SNTB1: variants seen among roughly 807,000 people sequenced by gnomAD.
The protein encoded by SNTB1 is syntrophin beta 1.
SNTB1 carries 36 observed loss-of-function variants against 48.9 expected under a neutral mutation model. The ratio of observed to expected loss-of-function variants is 0.74; its 90% CI spans 0.56 to 0.97. The LOEUF (loss-of-function observed/expected upper bound fraction) is 0.97, where lower values mean the gene tolerates loss of function less well. Among genes scored for constraint, SNTB1 ranks in the 50% least tolerant of loss-of-function variants. SNTB1 has a pLI of 0.00. For synonymous variants in SNTB1, 299 were observed against 294.6 expected, an observed-to-expected ratio of 1.01 and a Z score of -0.15; for missense variants, 786 against 703.4, an observed-to-expected ratio of 1.12 and a Z score of -1.33.
intron 3 of SNTB1, among the ~76,000 whole-genome samples, chr8:120,617,152 T>C (rs1275335331): frequency 6.6e-6 from 1 of 152,234 alleles, no homozygotes; most frequent in African/African-American, 2.4e-5. Context: ...GTATTTTGTG[T>C]GTGGGCCAAG....
intron 1 of SNTB1, among the ~76,000 whole-genome samples, chr8:120,778,757 G>A (rs1819781409): frequency 6.6e-6 from 1 of 152,114 alleles, no homozygotes; most frequent in South Asian, 2.1e-4. Flanking sequence ...TATATTAACT[G>A]CTACAACTGT....
At chr8:120,620,436 G>T (rs754623418) in intron 3 of SNTB1, among the ~76,000 whole-genome samples, 4 of 152,152 alleles carry the variant, frequency 2.6e-5, no homozygotes, top group Admixed American at 6.5e-5. Flanking sequence ...TTAAAATCCA[G>T]GTAGGTCTCC....
intron 1 of SNTB1, among the ~76,000 whole-genome samples, chr8:120,748,891 A>G (rs978580615): frequency 6.6e-6 from 1 of 152,188 alleles, no homozygotes; most frequent in Non-Finnish European, 1.5e-5. Flanking sequence ...AGTCATTTGC[A>G]CTTGTCTGAG....
intron 1 of SNTB1, among the ~76,000 whole-genome samples, chr8:120,704,748 C>A (rs2129900322): frequency 6.6e-6 from 1 of 152,150 alleles, no homozygotes; most frequent in Non-Finnish European, 1.5e-5. Flanking sequence ...AGGAGGGACA[C>A]CTAATGCTTA....
intron 2 of SNTB1, among the ~76,000 whole-genome samples, chr8:120,646,674 C>T (rs938280954): frequency 2.0e-5 from 3 of 151,828 alleles, no homozygotes; most frequent in Admixed American, 2.0e-4. Context: ...ATGATGCTGG[C>T]CTCATAAAAT....
At chr8:120,798,328 G>C (rs1168357201) in intron 1 of SNTB1, among the ~76,000 whole-genome samples, 1 of 152,004 alleles carries the variant, frequency 6.6e-6, no homozygotes, top group Non-Finnish European at 1.5e-5. Context: ...CAGAGCTGTA[G>C]GCTGTACACC....
chr8:120,577,110 G>T (rs1361334222), intron 3 of SNTB1, among the ~76,000 whole-genome samples: 1 of 152,116 alleles, frequency 6.6e-6, no homozygotes, highest in Non-Finnish European at 1.5e-5. Flanking sequence ...AAATAAGCTT[G>T]GTGCTAACAA....
At chr8:120,620,720 T>C (rs1816780511) in intron 3 of SNTB1, among the ~76,000 whole-genome samples, 1 of 149,316 alleles carries the variant, frequency 6.7e-6, no homozygotes, top group Non-Finnish European at 1.5e-5. Context: ...CTTCAGGTTA[T>C]CTTATGGTGT....
chr8:120,574,907 T>C (rs1815926338), intron 4 of SNTB1, among the ~76,000 whole-genome samples, 179 bp downstream of exon 4: 1 of 152,234 alleles, frequency 6.6e-6, no homozygotes, highest in African/African-American at 2.4e-5. Context: ...TGTTGTTGCT[T>C]CATGTTTGGC....
At chr8:120,675,086 A>G (rs529044440) in intron 2 of SNTB1, among the ~76,000 whole-genome samples, 47 of 152,350 alleles carry the variant, frequency 3.1e-4, no homozygotes, top group African/African-American at 1.1e-3. Flanking sequence ...AATTGCAGTA[A>G]CAAATAACAC....
chr8:120,760,174 G>C (rs1819392531), intron 1 of SNTB1, among the ~76,000 whole-genome samples: 1 of 151,686 alleles, frequency 6.6e-6, no homozygotes, highest in Non-Finnish European at 1.5e-5. Context: ...CAATCATTTG[G>C]TAATGCCTGA....
intron 5 of SNTB1, 188 bp from the exon 6 acceptor site, chr8:120,542,188 C>T (rs111312568): frequency 1.3e-5 from 7 of 540,632 alleles, no homozygotes; most frequent in African/African-American, 5.7e-5. Flanking sequence ...ATTTTAAAAG[C>T]CCCATAGAAC....
At chr8:120,785,915 G>A (rs1020330513) in intron 1 of SNTB1, among the ~76,000 whole-genome samples, 5 of 152,198 alleles carry the variant, frequency 3.3e-5, no homozygotes, top group African/African-American at 9.7e-5. Context: ...CCTGCATTAC[G>A]CTGGCTAACC....
At chr8:120,738,545 T>TTTCCTTCCTTCC (rs201478933) in intron 1 of SNTB1, among the ~76,000 whole-genome samples, 8,908 of 135,712 alleles carry the variant, frequency 0.066, 968 homozygotes, top group African/African-American at 0.21. Context: ...TCCTTCCTTC[T>TTTCCTTCCTTCC]TTCCTTCCTT....
Position 120,731,748 on chromosome 8 carries a change from G to A in SNTB1, c.572-37840C>T, listed in dbSNP as rs550694312. Among the ~76,000 whole-genome samples the A allele has an allele frequency of 2.6e-5, 4 of 152,272 alleles. 1 individual carries two copies. The highest frequency in any genetic ancestry group is 4.1e-4 in the South Asian group (2 of 4,832). ...AGACCCAGAACCAGTAGCCAAACCT[G>A]CAGATGTCTACGGCAGAACTCGTTC... On this transcript the variant is annotated intron_variant, in intron 1 of 6. Coordinates refer to ENST00000517992, the MANE Select transcript of SNTB1 (RefSeq NM_021021.4).
chr8:120,803,871 T>C (rs1036781946), intron 1 of SNTB1, among the ~76,000 whole-genome samples: 3 of 152,154 alleles, frequency 2.0e-5, no homozygotes, highest in African/African-American at 7.2e-5. Flanking sequence ...GACTTGTAGG[T>C]CCCTGAGCCA....
chr8:120,548,198 T>C (rs1040153640), intron 5 of SNTB1, among the ~76,000 whole-genome samples: 1 of 152,134 alleles, frequency 6.6e-6, no homozygotes, highest in Non-Finnish European at 1.5e-5. Context: ...TCCATCATAA[T>C]TGGAAGCTTC....
At chr8:120,656,013 A>G (rs1365561876) in intron 2 of SNTB1, among the ~76,000 whole-genome samples, 1 of 152,202 alleles carries the variant, frequency 6.6e-6, no homozygotes, top group Non-Finnish European at 1.5e-5. Context: ...TTTTCCCTAG[A>G]GCAGCATTCA....
chr8:120,585,317 C>G (rs995429853), intron 3 of SNTB1, among the ~76,000 whole-genome samples: 1 of 152,212 alleles, frequency 6.6e-6, no homozygotes, highest in Non-Finnish European at 1.5e-5. Context: ...CTGGAGTGCA[C>G]AGGCCCAGCT....
Sources: allele counts gnomAD v4.1 joint callset (sites outside exome capture counted in the v4.1 genomes callset), GRCh38; gene constraint gnomAD v4.1.1; transcripts MANE v1.5; gene names NCBI Gene and HGNC (gene_info 2026-07-23, HGNC 2026-07-21).